Variants in IRS1 observed in about 807,000 individuals in gnomAD.
IRS1 encodes the protein insulin receptor substrate 1.
IRS1 carries 34 observed loss-of-function variants against 65.6 expected under a neutral mutation model. The ratio of observed to expected loss-of-function variants is 0.52; its 90% CI spans 0.39 to 0.69. The LOEUF (loss-of-function observed/expected upper bound fraction) is 0.69, where lower values mean the gene tolerates loss of function less well. IRS1 is among the 30% of genes least tolerant of loss of function. The pLI is 0.00. For synonymous variants in IRS1, 699 were observed against 683.5 expected, an observed-to-expected ratio of 1.02 and a Z score of -0.35; for missense variants, 1,641 against 1,720.2, an observed-to-expected ratio of 0.95 and a Z score of 0.81.
chr2:226,749,881 G>C, intron 1 of IRS1, among the ~76,000 whole-genome samples: 1 of 152,110 alleles, frequency 6.6e-6, no homozygotes, highest in East Asian at 1.9e-4. Context: ...AATTAATATG[G>C]ACAGAGCCAT....
chr2:226,763,205 A>G (rs60307445), intron 1 of IRS1, among the ~76,000 whole-genome samples: 13,837 of 152,168 alleles, frequency 0.091, 1,205 homozygotes, highest in African/African-American at 0.23. Context: ...CTGGAGGGGC[A>G]TCTTAGTTTG....
chr2:226,795,004 G>T lies in IRS1; in HGVS notation c.*6C>A. ...TGAAACGCACCTGCTGTGATGTCCA[G>T]TTGAGCTACTGACGGTCCTCTGGCT... On this transcript the variant is annotated 3_prime_UTR_variant, in exon 1 of 2. Transcript: ENST00000305123. The T allele has an allele frequency of 6.2e-7, 1 of 1,613,212 alleles. No homozygotes were observed. Among genetic ancestry groups the T allele is most frequent in the South Asian group, 1.1e-5 (1 of 91,078 alleles).
rs1939745516 is a variant in IRS1 at position 226,797,085 on chromosome 2, T to C, written c.1654A>G (p.Thr552Ala). The C allele has an allele frequency of 6.2e-7, 1 of 1,613,418 alleles. No individual in the cohort carries two copies. The highest frequency in any genetic ancestry group is 1.3e-5 in the African/African-American group (1 of 74,920). Residue 552 changes from threonine (T) to alanine (A), a missense_variant, in exon 1 of 2, where the codon ACA becomes GCA. Around this residue, in one of 3 missense-constraint regions of IRS1, gnomAD observed 1,324 missense variants for 1,361.0 expected, o/e 0.97. Coordinates refer to ENST00000305123, the MANE Select transcript of IRS1 (RefSeq NM_005544.3). The surrounding 1 kb of genome is among the most constrained non-coding windows in gnomAD (Gnocchi z 8.1). ...QSSVASIEEY[T>A]EMMPAYPPGG... ...GGTGGGTAGGCAGGCATCATCTCTG[T>C]GTACTCCTCAATGGAAGCCACTGAG...
intron 1 of IRS1, among the ~76,000 whole-genome samples, chr2:226,765,660 G>A (rs1368482380): frequency 1.3e-5 from 2 of 152,108 alleles, no homozygotes; most frequent in Non-Finnish European, 2.9e-5. Flanking sequence ...TTGGAGCAAC[G>A]AGAAAACTCC....
At chr2:226,741,582 G>T (rs562248266) in intron 1 of IRS1, among the ~76,000 whole-genome samples, 2 of 151,922 alleles carry the variant, frequency 1.3e-5, no homozygotes, top group Non-Finnish European at 2.9e-5. Flanking sequence ...GTCTTCCCAC[G>T]TCTGTTGATT....
chr2:226,772,570 T>C (rs1186366835), intron 1 of IRS1, among the ~76,000 whole-genome samples: 3 of 152,086 alleles, frequency 2.0e-5, no homozygotes, highest in African/African-American at 7.2e-5. Flanking sequence ...AGCGTATAAT[T>C]TGTCTCTTAG....
intron 1 of IRS1, among the ~76,000 whole-genome samples, chr2:226,786,341 G>A (rs372887567): frequency 3.3e-5 from 5 of 152,104 alleles, no homozygotes; most frequent in African/African-American, 1.2e-4. Context: ...GTGGAAAGTA[G>A]TGTGTCCTTT....
intron 1 of IRS1, among the ~76,000 whole-genome samples, chr2:226,784,990 G>A (rs972971555): frequency 6.6e-6 from 1 of 152,114 alleles, no homozygotes; most frequent in South Asian, 2.1e-4. Flanking sequence ...TAAGTGACAG[G>A]ACATCACTAG....
At chr2:226,768,828 G>A (rs542708587) in intron 1 of IRS1, among the ~76,000 whole-genome samples, 1 of 152,208 alleles carries the variant, frequency 6.6e-6, no homozygotes, top group Non-Finnish European at 1.5e-5. Context: ...GTAGAAACAG[G>A]GTTTCACCAT....
intron 1 of IRS1, among the ~76,000 whole-genome samples, chr2:226,781,414 G>A (rs1265029677): frequency 6.6e-6 from 1 of 152,128 alleles, no homozygotes; most frequent in Admixed American, 6.5e-5. Context: ...TTGGGGTAGG[G>A]AGGGAGCCGT....
chr2:226,757,494 T>A (rs1333657273), intron 1 of IRS1, among the ~76,000 whole-genome samples: 5 of 151,900 alleles, frequency 3.3e-5, no homozygotes, highest in African/African-American at 1.2e-4. Context: ...GGTGTGCCTG[T>A]AGTCCCAGCT....
rs553391665 is a variant in IRS1 at position 226,753,373 on chromosome 2, GT to G, written c.*22-17124del. On this transcript the variant is annotated intron_variant, in intron 1 of 1. Transcript: ENST00000305123. ...AAGGGCAATTCAAAAGCACCCTAAA[GT>G]TTTATAACCTGCATTATTACACTTC... Among the ~76,000 whole-genome samples the G allele has an allele frequency of 2.5e-4, 38 of 152,264 alleles. No homozygotes were observed. The East Asian group carries it at 7.2e-3, about 29-fold the overall frequency.
chr2:226,753,611 TA>T, intron 1 of IRS1, among the ~76,000 whole-genome samples: 1 of 152,286 alleles, frequency 6.6e-6, no homozygotes, highest in South Asian at 2.1e-4. Flanking sequence ...AAATGTCAAT[TA>T]AAAACTGTGT....
At chr2:226,763,395 T>C (rs1938959517) in intron 1 of IRS1, among the ~76,000 whole-genome samples, 1 of 152,124 alleles carries the variant, frequency 6.6e-6, no homozygotes, top group Non-Finnish European at 1.5e-5. Context: ...TCCACATTTA[T>C]GACAAAAATA....
intron 1 of IRS1, among the ~76,000 whole-genome samples, chr2:226,767,164 G>A (rs1049443003): frequency 6.6e-6 from 1 of 152,162 alleles, no homozygotes; most frequent in Non-Finnish European, 1.5e-5. Context: ...CCTACAGGAA[G>A]ATTAAAGGAT....
chr2:226,740,704 A>C (rs1356407973), intron 1 of IRS1, among the ~76,000 whole-genome samples: 1 of 152,212 alleles, frequency 6.6e-6, no homozygotes, highest in Non-Finnish European at 1.5e-5. Context: ...TAGTAATAAA[A>C]ATCTAGTTGG....
chr2:226,785,245 T>C (rs1358842486), intron 1 of IRS1, among the ~76,000 whole-genome samples: 1 of 152,138 alleles, frequency 6.6e-6, no homozygotes, highest in Non-Finnish European at 1.5e-5. Context: ...CTAAGTACCA[T>C]GAAAGTGAAC....
intron 1 of IRS1, among the ~76,000 whole-genome samples, chr2:226,744,135 T>C (rs949580281): frequency 4.6e-5 from 7 of 152,176 alleles, no homozygotes; most frequent in Non-Finnish European, 7.4e-5. Flanking sequence ...TGCAGCGGAC[T>C]GAGGTAAGAA....
chr2:226,796,490 T>TA lies in IRS1; in HGVS notation c.2248dup (p.Tyr750LeufsTer5). 6.2e-7 allele frequency: 1 copy of TA among 1,613,890 alleles called. No homozygotes were observed. The highest frequency in any genetic ancestry group is 2.2e-5 in the East Asian group (1 of 44,876). On this transcript the variant is annotated frameshift_variant, in exon 1 of 2. Coordinates refer to ENST00000305123, the MANE Select transcript of IRS1 (RefSeq NM_005544.3). LOFTEE classifies it high-confidence loss of function. ...GTGCTGGGGGTCCTCAGGGCCGTAG[T>TA]AGCAGTCGGAGGGGCTGCTGGTGTT... is the stretch of plus-strand genomic sequence containing the variant.
Sources: gnomAD v4.1 joint callset for allele counts (sites outside exome capture counted in the v4.1 genomes callset) on GRCh38, gnomAD v4.1.1 for gene constraint, gnomAD v4.1.1 regional missense constraint, Gnocchi (gnomAD v3.1) non-coding constraint, MANE v1.5 for transcripts, NCBI Gene and HGNC (gene_info 2026-07-23, HGNC 2026-07-21) for gene names.